Variants in PIK3C2G observed in about 807,000 individuals in gnomAD.
The protein encoded by PIK3C2G is phosphatidylinositol 3-kinase C2 domain-containing subunit gamma.
Under a neutral mutation model 181.1 loss-of-function variants are expected in PIK3C2G, and 168 were observed. The observed-to-expected ratio is 0.93, with a 90% CI of 0.82 to 1.05. The LOEUF is 1.05. Ranked by LOEUF, PIK3C2G falls within the 50% of genes least tolerant of loss-of-function variation. The pLI, the probability that PIK3C2G is intolerant of heterozygous loss-of-function variation, is 0.00. For missense variants in PIK3C2G, 1,869 were observed against 1,732.8 expected, an observed-to-expected ratio of 1.08 and a Z score of -1.40; for synonymous variants, 573 against 592.2, an observed-to-expected ratio of 0.97 and a Z score of 0.47.
Position 18,594,551 on chromosome 12 carries a change from TCATC to T in PIK3C2G, c.4070_4073del (p.Ser1357TyrfsTer5). On this transcript the variant is annotated frameshift_variant, in exon 30 of 33. Transcript: ENST00000538779. LOFTEE classifies it high-confidence loss of function. ...GGCTGTGCAACAAACAGTTGAAGAA[TCATC>T]ACCTGTGTACCTAGGTAAGTAAATT... is the stretch of plus-strand genomic sequence containing the variant. 3 of 1,545,216 alleles carry T rather than the reference TCATC, an allele frequency of 1.9e-6. No homozygotes were observed. In the African/African-American group the frequency reaches 4.2e-5, roughly 22 times the overall value.
intron 31 of PIK3C2G, among the ~76,000 whole-genome samples, chr12:18,628,909 T>C (rs149797433): frequency 4.8e-4 from 73 of 152,240 alleles, no homozygotes; most frequent in South Asian, 8.3e-4. Context: ...TGAGGCAATG[T>C]AGTGAGACCC....
chr12:18,487,948 T>C (rs959206539), intron 18 of PIK3C2G, among the ~76,000 whole-genome samples: 2 of 152,116 alleles, frequency 1.3e-5, no homozygotes, highest in African/African-American at 4.8e-5. Flanking sequence ...GCTCTTGCCT[T>C]TACAATACCT....
At chr12:18,340,013 C>G (rs1477696236) in intron 9 of PIK3C2G, among the ~76,000 whole-genome samples, 1 of 152,064 alleles carries the variant, frequency 6.6e-6, no homozygotes, top group Non-Finnish European at 1.5e-5. Context: ...TTCTCTTTTA[C>G]TTTCCAATTA....
intron 32 of PIK3C2G, among the ~76,000 whole-genome samples, chr12:18,644,552 T>C (rs1226403850): frequency 6.6e-6 from 1 of 152,204 alleles, no homozygotes; most frequent in Non-Finnish European, 1.5e-5. Context: ...TAAAATCTCC[T>C]GCAGAATATA....
chr12:18,597,198 C>T (rs1157707549), intron 30 of PIK3C2G, among the ~76,000 whole-genome samples: 1 of 151,106 alleles, frequency 6.6e-6, no homozygotes, highest in African/African-American at 2.4e-5. Context: ...AGAAAAATCG[C>T]AACATTGAAT....
chr12:18,641,938 C>A (rs934936773), intron 32 of PIK3C2G, among the ~76,000 whole-genome samples: 1 of 151,988 alleles, frequency 6.6e-6, no homozygotes. Context: ...TTAGCAGAGA[C>A]GGGGTTTTGC....
chr12:18,521,701 G>T (rs1369213750), intron 24 of PIK3C2G, among the ~76,000 whole-genome samples: 1 of 152,210 alleles, frequency 6.6e-6, no homozygotes, highest in Admixed American at 6.5e-5. Flanking sequence ...AGTTTGTTAG[G>T]TAGCTCTATC....
At chr12:18,251,578 T>C (rs977665862) in intron 1 of PIK3C2G, among the ~76,000 whole-genome samples, 4 of 152,050 alleles carry the variant, frequency 2.6e-5, no homozygotes, top group Non-Finnish European at 5.9e-5. Context: ...ATCTTCACAA[T>C]GCACCATGGT....
intron 5 of PIK3C2G, among the ~76,000 whole-genome samples, chr12:18,310,035 T>C (rs1434194920): frequency 6.6e-6 from 1 of 151,846 alleles, no homozygotes; most frequent in African/African-American, 2.4e-5. Context: ...TCAGTGTTTC[T>C]ATGAAAATGA....
chr12:18,396,829 T>C (rs375544198), intron 15 of PIK3C2G, among the ~76,000 whole-genome samples: 1 of 151,714 alleles, frequency 6.6e-6, no homozygotes, highest in South Asian at 2.1e-4. Context: ...AAGATTCCTG[T>C]GGTTAAGATG....
chr12:18,711,794 G>T, the PIK3C2G span, among the ~76,000 whole-genome samples: 6 of 151,858 alleles, frequency 4.0e-5, no homozygotes, highest in African/African-American at 7.2e-5. Context: ...AGGCAGTTGT[G>T]TACTTTGGTG....
At chr12:18,269,413 C>A (rs1948650538) in intron 1 of PIK3C2G, among the ~76,000 whole-genome samples, 1 of 152,086 alleles carries the variant, frequency 6.6e-6, no homozygotes, top group African/African-American at 2.4e-5. Context: ...TTTCTCTCCC[C>A]TCTCCTGCAT....
chr12:18,620,559 TA>T (rs1948813672), intron 31 of PIK3C2G, among the ~76,000 whole-genome samples: 2 of 151,936 alleles, frequency 1.3e-5, no homozygotes, highest in African/African-American at 4.8e-5. Context: ...GATAGATAGA[TA>T]GATAGATAGG....
intron 19 of PIK3C2G, among the ~76,000 whole-genome samples, chr12:18,490,168 T>C (rs1446723635): frequency 6.6e-6 from 1 of 152,146 alleles, no homozygotes; most frequent in Non-Finnish European, 1.5e-5. Flanking sequence ...CTCCATGATA[T>C]CTGCCAGGCA....
intron 29 of PIK3C2G, among the ~76,000 whole-genome samples, chr12:18,591,394 G>C (rs1947071261): frequency 6.6e-6 from 1 of 151,880 alleles, no homozygotes; most frequent in African/African-American, 2.4e-5. Flanking sequence ...TTTTATTGAA[G>C]AGGAGCATAA....
chr12:18,499,807 CTACT>C (rs1230443459), intron 22 of PIK3C2G, among the ~76,000 whole-genome samples: 3 of 152,232 alleles, frequency 2.0e-5, no homozygotes, highest in African/African-American at 7.2e-5. Context: ...AAGAGCCTTG[CTACT>C]TAAAGTGTGA....
intron 29 of PIK3C2G, among the ~76,000 whole-genome samples, chr12:18,577,849 G>A (rs1946311216): frequency 6.6e-6 from 1 of 152,144 alleles, no homozygotes; most frequent in African/African-American, 2.4e-5. Context: ...ATAAAGTAGT[G>A]CTATGTTGAT....
chr12:18,562,426 C>CG (rs2136333759), intron 26 of PIK3C2G, among the ~76,000 whole-genome samples: 1 of 152,304 alleles, frequency 6.6e-6, no homozygotes, highest in South Asian at 2.1e-4. Context: ...GCCACCGCGC[C>CG]GGGCCACAAC....
intron 18 of PIK3C2G, among the ~76,000 whole-genome samples, chr12:18,460,238 T>A (rs1446219192): frequency 6.6e-6 from 1 of 152,090 alleles, no homozygotes; most frequent in Non-Finnish European, 1.5e-5. Context: ...TTACTTAATA[T>A]GCAAAAAAGT....
Sources: gnomAD v4.1 joint callset for allele counts (sites outside exome capture counted in the v4.1 genomes callset) on GRCh38, gnomAD v4.1.1 for gene constraint, MANE v1.5 for transcripts, NCBI Gene and HGNC (gene_info 2026-07-23, HGNC 2026-07-21) for gene names.